The following SASH1 variants were observed in gnomAD, a reference collection of about 807,000 sequenced individuals.
SASH1 encodes SAM and SH3 domain containing 1, also known as SAM and SH3 domain-containing protein 1.
SASH1 carries 44 observed loss-of-function variants against 125.2 expected under a neutral mutation model. The observed-to-expected ratio is 0.35, with a 90% CI of 0.28 to 0.45. SASH1 has a LOEUF of 0.45. Ranked by LOEUF, SASH1 falls within the 20% of genes least tolerant of loss-of-function variation. The pLI is 1.00. For missense variants in SASH1, 1,426 were observed against 1,614.5 expected, an observed-to-expected ratio of 0.88 and a Z score of 2.00; for synonymous variants, 639 against 649.1, an observed-to-expected ratio of 0.98 and a Z score of 0.24.
intron 1 of SASH1, among the ~76,000 whole-genome samples, chr6:148,351,816 G>GTGTA (rs1781741351): frequency 1.0e-5 from 1 of 96,230 alleles, no homozygotes; most frequent in Non-Finnish European, 2.1e-5. Context: ...GTTTATGTGT[G>GTGTA]TGTGTGCTTT....
At chr6:148,292,110 T>G (rs1024671052) in intron 1 of SASH1, among the ~76,000 whole-genome samples, 1 of 152,138 alleles carries the variant, frequency 6.6e-6, no homozygotes, top group African/African-American at 2.4e-5. Context: ...TAATGAAGTG[T>G]TTTTCAGGGT....
chr6:148,452,522 A>G (rs1165640828), intron 4 of SASH1, among the ~76,000 whole-genome samples: 1 of 152,244 alleles, frequency 6.6e-6, no homozygotes, highest in Non-Finnish European at 1.5e-5. Context: ...GCTGGACAGA[A>G]TCTGAGCGTG....
chr6:148,358,174 C>T (rs1232199871), intron 1 of SASH1, among the ~76,000 whole-genome samples: 2 of 150,368 alleles, frequency 1.3e-5, no homozygotes, highest in Non-Finnish European at 2.9e-5. Context: ...GTTATTTGTA[C>T]ACCTGCAGAC....
intron 8 of SASH1, among the ~76,000 whole-genome samples, chr6:148,502,590 G>A (rs1308041551): frequency 1.3e-5 from 2 of 152,226 alleles, no homozygotes; most frequent in Admixed American, 6.5e-5. Flanking sequence ...TTTTTGGACC[G>A]TGGAGGGAGA....
chr6:148,206,560 C>T, the SASH1 span, among the ~76,000 whole-genome samples: 1 of 152,090 alleles, frequency 6.6e-6, no homozygotes, highest in Non-Finnish European at 1.5e-5. Context: ...GAGGCCAAGG[C>T]AGGTGGACCA....
At chr6:148,439,353 A>C (rs1776446806) in intron 2 of SASH1, among the ~76,000 whole-genome samples, 1 of 152,224 alleles carries the variant, frequency 6.6e-6, no homozygotes, top group Non-Finnish European at 1.5e-5. Flanking sequence ...CAGATAGGTC[A>C]GTTCATTTGT....
Position 148,474,336 on chromosome 6 carries a change from T to C in SASH1, c.627+114T>C, listed in dbSNP as rs2294777. On this transcript the variant is annotated intron_variant, in intron 7 of 19. Coordinates refer to ENST00000367467, the MANE Select transcript of SASH1 (RefSeq NM_015278.5). ...CAGGTACCCATGTTGTCAGATAAAATATTTATTCTGTTTACTTGATACAAA... is the reference window on the plus strand; with the variant it reads ...CAGGTACCCATGTTGTCAGATAAAACATTTATTCTGTTTACTTGATACAAA... 49,892 of 615,362 alleles carry C rather than the reference T, an allele frequency of 0.081. 2,442 individuals are homozygous for C. Among genetic ancestry groups the C allele is most frequent in the Middle Eastern group, 0.1 (393 of 3,866 alleles). The allele number at this position is 615,362 out of a possible 1,614,324, so 38.1% of individuals were successfully genotyped here.
chr6:148,272,412 G>C (rs1026059855), intron 1 of SASH1: 3 of 469,656 alleles, frequency 6.4e-6, no homozygotes, highest in Non-Finnish European at 1.3e-5. Context: ...TTTTAAGACT[G>C]TTTTTGGTGC....
At chr6:148,427,013 G>A (rs2495943) in intron 2 of SASH1, among the ~76,000 whole-genome samples, 65,927 of 151,854 alleles carry the variant, frequency 0.43, 14,476 homozygotes, top group South Asian at 0.67. Context: ...TGGGTGGTGC[G>A]TGCCTATAAT....
chr6:148,486,980 TATATATATATATA>T, intron 7 of SASH1, among the ~76,000 whole-genome samples: 1 of 96,484 alleles, frequency 1.0e-5, no homozygotes, highest in Non-Finnish European at 2.1e-5. Context: ...TATATATATA[TATATATATATATA>T]TGTATTTGCT....
At chr6:148,307,058 T>G (rs1295284824) in intron 1 of SASH1, among the ~76,000 whole-genome samples, 1 of 146,550 alleles carries the variant, frequency 6.8e-6, no homozygotes, top group Admixed American at 6.8e-5. Flanking sequence ...CTTTCTTTCT[T>G]TCTTTCTTTC....
At position 148,534,792 on chromosome 6, in the gene SASH1, G is replaced by A. The variant is rs779504220; in HGVS notation, c.1986G>A (p.Leu662=). 2.5e-6 allele frequency: 4 copies of A among 1,614,146 alleles called. No homozygotes were observed. The highest frequency in any genetic ancestry group is 2.5e-6 in the Non-Finnish European group (3 of 1,180,022). Residue 662 remains leucine (L), a synonymous_variant, in exon 16 of 20, where the codon TTG becomes TTA. Coordinates refer to ENST00000367467, the MANE Select transcript of SASH1 (RefSeq NM_015278.5). ...TCCTGTTCAATGGATATGAAGATTT[G>A]GACACCTTTAAGCTGCTGGAGGAGG... ...PTFLFNGYED[L]DTFKLLEEED...
intron 2 of SASH1, among the ~76,000 whole-genome samples, chr6:148,391,919 T>A (rs574370418): frequency 2.1e-4 from 32 of 152,332 alleles, no homozygotes; most frequent in African/African-American, 7.0e-4. Context: ...CTGTTCCTTT[T>A]GAGCCATCTC....
At chr6:148,248,787 AC>A in the SASH1 span, among the ~76,000 whole-genome samples, 1 of 152,248 alleles carries the variant, frequency 6.6e-6, no homozygotes, top group Non-Finnish European at 1.5e-5. Flanking sequence ...GGGAAGATAT[AC>A]AAAGGACACT....
intron 8 of SASH1, among the ~76,000 whole-genome samples, chr6:148,496,227 T>C (rs1054054907): frequency 7.2e-5 from 11 of 152,230 alleles, no homozygotes; most frequent in Non-Finnish European, 1.3e-4. Context: ...TTACTTTTTT[T>C]TCCACTGCAT....
intron 4 of SASH1, among the ~76,000 whole-genome samples, chr6:148,463,666 C>G (rs1332859573): frequency 1.3e-5 from 2 of 152,120 alleles, no homozygotes; most frequent in African/African-American, 4.8e-5. Flanking sequence ...AAGTCACTTA[C>G]AAATTCTTAT....
the SASH1 span, among the ~76,000 whole-genome samples, chr6:148,230,902 CA>C: frequency 1.3e-5 from 2 of 152,146 alleles, no homozygotes; most frequent in African/African-American, 4.8e-5. Context: ...ATATGATCTG[CA>C]AATATTTTCT....
chr6:148,416,967 C>T (rs1784845730), intron 2 of SASH1, among the ~76,000 whole-genome samples: 4 of 152,112 alleles, frequency 2.6e-5, no homozygotes, highest in Admixed American at 1.3e-4. Flanking sequence ...TGATGGGGAC[C>T]CTCAAGACAA....
intron 4 of SASH1, among the ~76,000 whole-genome samples, chr6:148,453,889 A>G (rs970213488): frequency 6.6e-6 from 1 of 152,160 alleles, no homozygotes; most frequent in Non-Finnish European, 1.5e-5. Flanking sequence ...GAGAAGTAGA[A>G]TGTTAAGATA....
Sources: gnomAD v4.1 joint callset for allele counts (sites outside exome capture counted in the v4.1 genomes callset) on GRCh38, gnomAD v4.1.1 for gene constraint, MANE v1.5 for transcripts, NCBI Gene and HGNC (gene_info 2026-07-23, HGNC 2026-07-21) for gene names.